The following BMPER variants were observed in gnomAD, a reference collection of about 807,000 sequenced individuals.
The protein encoded by BMPER is BMP-binding endothelial regulator protein.
A neutral mutation model predicts 87.3 loss-of-function variants in BMPER; 45 were observed. The ratio of observed to expected loss-of-function variants is 0.52; its 90% CI spans 0.41 to 0.66. BMPER has a LOEUF of 0.66. Ranked by LOEUF, BMPER falls within the 30% of genes least tolerant of loss-of-function variation. The pLI is 0.00. For missense variants in BMPER, 784 were observed against 867.5 expected (o/e 0.90, Z 1.21); for synonymous variants, 326 against 316.2 (o/e 1.03, Z -0.33).
chr7:34,003,437 G>A (rs989436503), intron 6 of BMPER, among the ~76,000 whole-genome samples: 1 of 151,690 alleles, frequency 6.6e-6, no homozygotes. Flanking sequence ...AAACCCATCA[G>A]CACAGTTTTA....
intron 3 of BMPER, among the ~76,000 whole-genome samples, chr7:33,943,791 C>G (rs1001417845): frequency 2.0e-5 from 3 of 152,192 alleles, no homozygotes; most frequent in Non-Finnish European, 4.4e-5. Context: ...ACGGATTCCC[C>G]CACTTCACAC....
At chr7:33,923,207 T>A (rs6954470) in intron 2 of BMPER, among the ~76,000 whole-genome samples, 84,190 of 151,972 alleles carry the variant, frequency 0.55, 23,741 homozygotes, top group East Asian at 0.6. Context: ...GACTCTGTTC[T>A]CTCCCAGGCT....
intron 13 of BMPER, among the ~76,000 whole-genome samples, chr7:34,086,542 G>C (rs6960572): frequency 0.1 from 15,695 of 152,258 alleles, 1,106 homozygotes; most frequent in South Asian, 0.25. Flanking sequence ...GTTTAGGTCT[G>C]CCTTATGGTC....
chr7:34,060,281 A>G (rs753989462), intron 10 of BMPER, among the ~76,000 whole-genome samples: 1 of 151,444 alleles, frequency 6.6e-6, no homozygotes, highest in Non-Finnish European at 1.5e-5. Flanking sequence ...TCGTAGTCAC[A>G]TTTGTTTGGA....
At chr7:34,087,792 A>G (rs1456310060) in intron 13 of BMPER, among the ~76,000 whole-genome samples, 3 of 152,232 alleles carry the variant, frequency 2.0e-5, no homozygotes, top group African/African-American at 7.2e-5. Context: ...CAAGCAGCCT[A>G]CACCTTTGAT....
At chr7:34,061,752 T>C (rs1232296701) in intron 10 of BMPER, among the ~76,000 whole-genome samples, 1 of 152,194 alleles carries the variant, frequency 6.6e-6, no homozygotes, top group Non-Finnish European at 1.5e-5. Flanking sequence ...GTGAGCCCTT[T>C]AGGTATTATA....
chr7:34,000,333 T>A (rs181901312), intron 6 of BMPER, among the ~76,000 whole-genome samples: 1 of 152,132 alleles, frequency 6.6e-6, no homozygotes, highest in African/African-American at 2.4e-5. Context: ...TGAAGATAGA[T>A]GAAAGAGACT....
intron 13 of BMPER, among the ~76,000 whole-genome samples, chr7:34,124,801 ACT>A (rs141088130): frequency 0.019 from 2,953 of 152,080 alleles, 57 homozygotes; most frequent in South Asian, 0.044. Flanking sequence ...ATTGAGACAG[ACT>A]CTTCACACTG....
At chr7:34,015,528 C>A (rs1183047135) in intron 6 of BMPER, among the ~76,000 whole-genome samples, 1 of 151,850 alleles carries the variant, frequency 6.6e-6, no homozygotes, top group African/African-American at 2.4e-5. Context: ...CACAAGCAAC[C>A]CCACGGTTGC....
chr7:34,051,330 G>A (rs1236143948), intron 7 of BMPER, among the ~76,000 whole-genome samples: 2 of 152,052 alleles, frequency 1.3e-5, no homozygotes, highest in Admixed American at 6.6e-5. Flanking sequence ...TTGCTCATTC[G>A]AGACCTTCTT....
In BMPER at chr7:34,118,967, C is replaced by T. The variant is rs182274983; in HGVS notation, c.1746-24263C>T. Among the ~76,000 whole-genome samples, 1,040 of 150,310 alleles carry T rather than the reference C, an allele frequency of 6.9e-3. 16 individuals are homozygous for T. Among genetic ancestry groups the T allele is most frequent in the African/African-American group, 0.024 (986 of 40,988 alleles). ...CCCCCACAATGTTGTCAATGAATTC[C>T]TTAAAATCTCTCTCTCTCTCTCTCT... On this transcript the variant is annotated intron_variant, in intron 13 of 14. Coordinates refer to ENST00000649409, the MANE Select transcript of BMPER (RefSeq NM_001365308.1).
chr7:33,964,511 G>A (rs557902457), intron 3 of BMPER, among the ~76,000 whole-genome samples: 9 of 152,200 alleles, frequency 5.9e-5, no homozygotes, highest in Admixed American at 1.3e-4. Context: ...TCTTTATGTG[G>A]TAAATTATGG....
At position 34,002,948 on chromosome 7, in the gene BMPER, T is replaced by A. The variant is rs535945586; in HGVS notation, c.576+28164T>A. Among the ~76,000 whole-genome samples, 3 of 151,166 alleles carry A rather than the reference T, an allele frequency of 2.0e-5. No individual in the cohort carries two copies. The South Asian group carries it at 6.2e-4, about 31-fold the overall frequency. The stretch of plus-strand genomic sequence containing the variant: ...GACAGTATATAGTTTTATCCTGCTT[T>A]AAAAAAAAATCAATTCTGCCAGTCT... On this transcript the variant is annotated intron_variant, in intron 6 of 14. Transcript: ENST00000649409.
chr7:33,907,363 G>C (rs1181545006), intron 2 of BMPER, among the ~76,000 whole-genome samples: 2 of 151,940 alleles, frequency 1.3e-5, no homozygotes, highest in Non-Finnish European at 2.9e-5. Context: ...ACAAACATAA[G>C]GACAAGATGT....
At chr7:34,037,582 G>A (rs1208864288) in intron 6 of BMPER, among the ~76,000 whole-genome samples, 2 of 152,214 alleles carry the variant, frequency 1.3e-5, no homozygotes, top group South Asian at 2.1e-4. Context: ...TGGGCCAGAG[G>A]GTGCCTGGCC....
Position 34,155,668 on chromosome 7 carries a change from T to G in BMPER, c.*2395T>G, listed in dbSNP as rs1306714241. 1.3e-5 allele frequency: 2 copies of G among 152,184 alleles called. No homozygotes were observed. The highest frequency in any genetic ancestry group is 4.8e-5 in the African/African-American group (2 of 41,458). The allele number at this position is 152,184 out of a possible 1,614,324, so 9.4% of individuals were successfully genotyped here. ...GATGGGAGAGGGTGAGGAAATCAGC[T>G]GAATGGTTGGCCTGCATATTCTTTT... On this transcript the variant is annotated 3_prime_UTR_variant, in exon 15 of 15. Coordinates refer to ENST00000649409, the MANE Select transcript of BMPER (RefSeq NM_001365308.1).
chr7:34,109,854 A>T (rs1403247377), intron 13 of BMPER, among the ~76,000 whole-genome samples: 1 of 152,180 alleles, frequency 6.6e-6, no homozygotes, highest in Non-Finnish European at 1.5e-5. Context: ...AACCAGTACC[A>T]ATGGGTTAGT....
chr7:34,149,085 C>T (rs1186425482), intron 14 of BMPER, among the ~76,000 whole-genome samples: 1 of 152,076 alleles, frequency 6.6e-6, no homozygotes, highest in African/African-American at 2.4e-5. Flanking sequence ...GTGCCAGAAC[C>T]TTTGGTTACA....
At chr7:34,050,365 A>G (rs1232874982) in intron 7 of BMPER, among the ~76,000 whole-genome samples, 2 of 151,962 alleles carry the variant, frequency 1.3e-5, no homozygotes, top group Non-Finnish European at 2.9e-5. Context: ...CATATGTAAG[A>G]TCCAAATTAT....
Sources: allele counts gnomAD v4.1 joint callset (sites outside exome capture counted in the v4.1 genomes callset), GRCh38; gene constraint gnomAD v4.1.1; transcripts MANE v1.5; gene names NCBI Gene and HGNC (gene_info 2026-07-23, HGNC 2026-07-21).